Variants in INSR observed in about 807,000 individuals in gnomAD.
INSR encodes the protein IR.
Under a neutral mutation model 142.6 loss-of-function variants are expected in INSR, and 67 were observed. The observed-to-expected ratio is 0.47, with a 90% CI of 0.39 to 0.58. The LOEUF is 0.58. INSR is among the 20% of genes least tolerant of loss of function. INSR has a pLI of 0.00. For synonymous variants in INSR, 756 were observed against 743.1 expected (o/e 1.02, Z -0.28); for missense variants, 1,248 against 1,833.2 (o/e 0.68, Z 5.83).
At chr19:7,156,285 T>G (rs1422495265) in intron 9 of INSR, among the ~76,000 whole-genome samples, 1 of 151,900 alleles carries the variant, frequency 6.6e-6, no homozygotes, top group Non-Finnish European at 1.5e-5. Context: ...GGTCTGGAAC[T>G]CCTGACCTCA....
At position 7,141,768 on chromosome 19, in the gene INSR, T is replaced by C. The variant is rs752961659; in HGVS notation, c.2591A>G (p.Asn864Ser). Residue 864 changes from asparagine (N) to serine (S), a missense_variant, in exon 13 of 22, where the codon AAC (asparagine) becomes AGC (serine). Asn to Ser is a conservative substitution (Grantham distance 46, BLOSUM62 1). Around this residue, in one of 3 missense-constraint regions of INSR, gnomAD observed 1,069 missense variants for 1,654.0 expected, o/e 0.65. Transcript: ENST00000302850. ...VGPVTHEIFE[N>S]NVVHLMWQEP... ...CTGCCACATCAAGTGGACGACGTTG[T>C]TCTCAAAGATTTCATGCGTCACAGG... 3 of 1,614,090 alleles carry C rather than the reference T, an allele frequency of 1.9e-6. No individual in the cohort carries two copies. In the African/African-American group the frequency reaches 4.0e-5, roughly 22 times the overall value.
At chr19:7,208,917 C>T (rs537654380) in intron 2 of INSR, among the ~76,000 whole-genome samples, 11 of 152,140 alleles carry the variant, frequency 7.2e-5, no homozygotes, top group East Asian at 3.9e-4. Flanking sequence ...GCAGGAGAAT[C>T]GCTTGAACAG....
chr19:7,224,147 T>C (rs1975706463), intron 2 of INSR, among the ~76,000 whole-genome samples: 1 of 151,854 alleles, frequency 6.6e-6, no homozygotes, highest in Admixed American at 6.6e-5. Context: ...TTTCACCACG[T>C]TGGCCAGGAT....
intron 11 of INSR, among the ~76,000 whole-genome samples, chr19:7,144,054 C>CAAAAA (rs111357856): frequency 1.0e-5 from 1 of 96,386 alleles, no homozygotes; most frequent in African/African-American, 3.5e-5. Context: ...GACTCTGTCT[C>CAAAAA]AAAAAAAAAA....
chr19:7,208,201 C>T lies in INSR; in HGVS notation c.653-23564G>A, dbSNP rs59724359. On this transcript the variant is annotated intron_variant, in intron 2 of 21. Coordinates refer to ENST00000302850, the MANE Select transcript of INSR (RefSeq NM_000208.4). ...TGGCTGCCAGGAGGAACCGCCCACT[C>T]GCTCTTCTTGGGTTTACTCCTAATT... 8.7e-3 allele frequency among the ~76,000 whole-genome samples: 1,331 copies of T among 152,202 alleles called. 26 individuals carry two copies. Among genetic ancestry groups the T allele is most frequent in the African/African-American group, 0.03 (1,246 of 41,518 alleles).
intron 2 of INSR, among the ~76,000 whole-genome samples, chr19:7,227,276 CT>C (rs67054555): frequency 0.33 from 48,283 of 148,154 alleles, 7,750 homozygotes; most frequent in South Asian, 0.37. Flanking sequence ...CATTTGCATT[CT>C]TTTTTTTTTT....
Position 7,268,440 on chromosome 19 carries a change from G to GC in INSR, c.101-545dup, listed in dbSNP as rs1316022595. On this transcript the variant is annotated intron_variant, in intron 1 of 21. Coordinates refer to ENST00000302850, the MANE Select transcript of INSR (RefSeq NM_000208.4). ...GGGTGTGGTGAGGGCTTCCCAGGGA[G>GC]CCCGATCTCCATTGCCCAAATGCCC... 3 of 985,106 alleles carry GC rather than the reference G, an allele frequency of 3.0e-6. No individual in the cohort carries two copies. The African/African-American group carries it at 5.2e-5, about 17-fold the overall frequency. The allele number at this position is 985,106 out of a possible 1,614,324, so 61.0% of individuals were successfully genotyped here. A position where few individuals can be genotyped will look rare whatever the true frequency, so the allele number is the denominator to read the frequency against.
At chr19:7,260,077 G>A (rs371793809) in intron 2 of INSR, among the ~76,000 whole-genome samples, 4 of 152,060 alleles carry the variant, frequency 2.6e-5, no homozygotes, top group Non-Finnish European at 5.9e-5. Flanking sequence ...GTTTCCATAG[G>A]CAGCTAAAAA....
intron 11 of INSR, among the ~76,000 whole-genome samples, chr19:7,144,020 A>C (rs1439558788): frequency 4.0e-5 from 6 of 151,094 alleles, no homozygotes; most frequent in African/African-American, 1.2e-4. Context: ...GTGTCACTGC[A>C]CTCCAGCCTG....
intron 7 of INSR, 145 bp downstream of exon 7, chr19:7,167,823 T>G (rs1346535436): frequency 3.8e-5 from 38 of 987,918 alleles, no homozygotes; most frequent in Non-Finnish European, 5.0e-5. Context: ...CTGGTGAGAT[T>G]GTAAAAAGGA....
intron 2 of INSR, among the ~76,000 whole-genome samples, chr19:7,220,145 A>G (rs1600046554): frequency 6.6e-6 from 1 of 152,146 alleles, no homozygotes; most frequent in African/African-American, 2.4e-5. Flanking sequence ...GTGGCTTCCC[A>G]AGCAAAATAT....
At chr19:7,240,472 C>T (rs1211255355) in intron 2 of INSR, among the ~76,000 whole-genome samples, 2 of 152,122 alleles carry the variant, frequency 1.3e-5, no homozygotes, top group Non-Finnish European at 2.9e-5. Context: ...ATCTGAGCCA[C>T]TAGAGAGCAG....
At chr19:7,286,541 C>T (rs1332450414) in intron 1 of INSR, among the ~76,000 whole-genome samples, 1 of 151,656 alleles carries the variant, frequency 6.6e-6, no homozygotes, top group Non-Finnish European at 1.5e-5. Flanking sequence ...GTACACACCA[C>T]CATGCTCAGC....
intron 8 of INSR, among the ~76,000 whole-genome samples, chr19:7,164,654 CAAA>C (rs539037803): frequency 1.3e-5 from 1 of 76,102 alleles, no homozygotes; most frequent in Non-Finnish European, 2.7e-5. Context: ...CTTGTCTCTA[CAAA>C]AAAAAAAAAA....
At chr19:7,177,281 G>A (rs1179843629) in intron 3 of INSR, among the ~76,000 whole-genome samples, 2 of 152,144 alleles carry the variant, frequency 1.3e-5, no homozygotes, top group African/African-American at 4.8e-5. Context: ...GCTGGAAGGG[G>A]AAATTGTCTT....
rs78692551 is a variant in INSR, at chr19:7,171,480, C to T, written c.1269-729G>A. Among the ~76,000 whole-genome samples, 542 of 152,194 alleles carry T rather than the reference C, an allele frequency of 3.6e-3. 4 individuals are homozygous for T. The highest frequency in any genetic ancestry group is 0.012 in the African/African-American group (493 of 41,526). On this transcript the variant is annotated intron_variant, in intron 5 of 21. Coordinates refer to ENST00000302850, the MANE Select transcript of INSR (RefSeq NM_000208.4). ...ATCTGGGTCTTCCACAGACCTCCTG[C>T]CTATGAGTCAATCTTGATCTAGCTA...
At chr19:7,133,957 T>C (rs1429197397) in intron 13 of INSR, among the ~76,000 whole-genome samples, 2 of 152,180 alleles carry the variant, frequency 1.3e-5, no homozygotes, top group East Asian at 1.9e-4. Context: ...CTATGGGATA[T>C]AGCTTACTGA....
chr19:7,278,036 T>C (rs4804455), intron 1 of INSR, among the ~76,000 whole-genome samples: 84,481 of 149,770 alleles, frequency 0.56, 24,258 homozygotes, highest in African/African-American at 0.7. Flanking sequence ...AGAGGTTGCA[T>C]TGAGCCAAGA....
intron 2 of INSR, among the ~76,000 whole-genome samples, chr19:7,215,651 TTC>T (rs1975410806): frequency 6.6e-6 from 1 of 151,916 alleles, no homozygotes; most frequent in African/African-American, 2.4e-5. Context: ...CACTGCAACC[TTC>T]GCCTCCCGGG....
Sources: gnomAD v4.1 joint callset for allele counts (sites outside exome capture counted in the v4.1 genomes callset) on GRCh38, gnomAD v4.1.1 for gene constraint, gnomAD v4.1.1 regional missense constraint, MANE v1.5 for transcripts, NCBI Gene and HGNC (gene_info 2026-07-23, HGNC 2026-07-21) for gene names.